The following CYFIP2 variants were observed in gnomAD, a reference collection of about 807,000 sequenced individuals.
CYFIP2 encodes the protein cytoplasmic FMR1 interacting protein 2, also known as cytoplasmic FMR1-interacting protein 2.
A neutral mutation model predicts 158.7 loss-of-function variants in CYFIP2; 29 were observed. The ratio of observed to expected loss-of-function variants is 0.18; its 90% CI spans 0.14 to 0.25. The LOEUF (loss-of-function observed/expected upper bound fraction) is 0.25, where lower values mean the gene tolerates loss of function less well. CYFIP2 is among the 10% of genes least tolerant of loss of function. The pLI is 1.00. For missense variants in CYFIP2, 852 were observed against 1,639.5 expected, an observed-to-expected ratio of 0.52 and a Z score of 8.29; for synonymous variants, 585 against 617.6, an observed-to-expected ratio of 0.95 and a Z score of 0.78.
At position 157,389,410 on chromosome 5, in the gene CYFIP2, C is replaced by A; in HGVS notation, c.3429C>A (p.Thr1143=). 1 of 1,598,888 alleles carries A rather than the reference C, an allele frequency of 6.3e-7. No homozygotes were observed. The highest frequency in any genetic ancestry group is 8.5e-7 in the Non-Finnish European group (1 of 1,169,766). The part of the protein sequence containing the change: ...MQFVYCIPVG[T]NEFTAEQCFG... ...TCGTGTACTGCATCCCTGTGGGAAC[C>A]AACGAGTTCACAGCTGAGTGAGTAC... Residue 1143 remains threonine, a synonymous_variant, in exon 29 of 31, where the codon ACC becomes ACA. Transcript: ENST00000620254.
At chr5:157,280,161 A>G (rs1313227469) in intron 1 of CYFIP2, among the ~76,000 whole-genome samples, 1 of 152,168 alleles carries the variant, frequency 6.6e-6, no homozygotes, top group Non-Finnish European at 1.5e-5. Flanking sequence ...ATTATGCTAC[A>G]GAGGAGAACT....
chr5:157,339,327 G>C, intron 22 of CYFIP2, 71 bp downstream of exon 22: 2 of 1,395,400 alleles, frequency 1.4e-6, no homozygotes, highest in African/African-American at 1.4e-5. Flanking sequence ...CTCCAAACTA[G>C]GCCCAGTACA....
At chr5:157,293,967 G>A (rs1275132283) in intron 3 of CYFIP2, among the ~76,000 whole-genome samples, 1 of 152,140 alleles carries the variant, frequency 6.6e-6, no homozygotes, top group Non-Finnish European at 1.5e-5. Flanking sequence ...TGGACCAGTC[G>A]AGTCCCAAAA....
intron 23 of CYFIP2, chr5:157,341,816 C>A (rs1762283135): frequency 6.5e-6 from 1 of 153,110 alleles, no homozygotes; most frequent in Non-Finnish European, 1.5e-5. Context: ...CTGGGAAGGT[C>A]TTGGATGATG....
At chr5:157,328,223 C>T (rs1761177440) in intron 19 of CYFIP2, among the ~76,000 whole-genome samples, 174 bp downstream of exon 19, 1 of 152,200 alleles carries the variant, frequency 6.6e-6, no homozygotes, top group South Asian at 2.1e-4. Flanking sequence ...AGATAAAGGG[C>T]TAACCTCACA....
At chr5:157,373,043 G>C (rs1193327517) in intron 26 of CYFIP2, among the ~76,000 whole-genome samples, 2 of 152,160 alleles carry the variant, frequency 1.3e-5, no homozygotes, top group African/African-American at 2.4e-5. Flanking sequence ...TAACAGCAAA[G>C]GGGTCTTCAT....
At chr5:157,300,025 G>GT (rs1758607941) in intron 5 of CYFIP2, among the ~76,000 whole-genome samples, 1 of 152,166 alleles carries the variant, frequency 6.6e-6, no homozygotes, top group South Asian at 2.1e-4. Context: ...CTGGCACATA[G>GT]TAGATGGCTA....
chr5:157,287,740 G>A (rs895835087), intron 3 of CYFIP2, among the ~76,000 whole-genome samples: 3 of 152,122 alleles, frequency 2.0e-5, no homozygotes, highest in African/African-American at 7.2e-5. Context: ...GACACTATAT[G>A]TCTTAGCTCG....
rs201784136 is a variant in CYFIP2 at position 157,313,060 on chromosome 5, T to C, written c.1110+1279T>C. On this transcript the variant is annotated intron_variant, in intron 11 of 30. Coordinates refer to ENST00000620254, the MANE Select transcript of CYFIP2 (RefSeq NM_001037333.3). ...TTTTGGTGTGGTCTAAGAATGAGTC[T>C]GGCCAAAGATATTTTTTAAAATTAT... 2.6e-5 allele frequency among the ~76,000 whole-genome samples: 4 copies of C among 152,216 alleles called. No individual in the cohort carries two copies. The East Asian group carries it at 7.7e-4, about 29-fold the overall frequency.
At chr5:157,333,207 C>T in intron 20 of CYFIP2, 120 bp from the exon 21 acceptor site, 1 of 1,329,664 alleles carries the variant, frequency 7.5e-7, no homozygotes, top group African/African-American at 1.4e-5. Flanking sequence ...CAGGAAACCC[C>T]TCCCACCTGG....
intron 3 of CYFIP2, among the ~76,000 whole-genome samples, chr5:157,291,195 C>G (rs1757792595): frequency 6.6e-6 from 1 of 152,222 alleles, no homozygotes; most frequent in Non-Finnish European, 1.5e-5. Context: ...GCTTAGGCAT[C>G]AAATTCCCCA....
chr5:157,384,251 G>A (rs1453718969), intron 28 of CYFIP2: 2 of 456,558 alleles, frequency 4.4e-6, no homozygotes, highest in Admixed American at 4.7e-5. Context: ...CAGGAAGGAA[G>A]AGAAATAGGG....
At position 157,309,908 on chromosome 5, in the gene CYFIP2, C is replaced by T. The variant is rs1012049714; in HGVS notation, c.992+74C>T. Reference sequence around the variant, plus strand: ...CGGGCAGAGAGCCGAGGGGCCACTTCAGCCCCTCCTCCCTCCCCAGATCCC... The same window carrying T: ...CGGGCAGAGAGCCGAGGGGCCACTTTAGCCCCTCCTCCCTCCCCAGATCCC... On this transcript the variant is annotated intron_variant, in intron 10 of 30. Transcript: ENST00000620254. 37 of 1,351,558 alleles carry T rather than the reference C, an allele frequency of 2.7e-5. No individual in the cohort carries two copies. In the South Asian group the frequency reaches 4.5e-4, roughly 16 times the overall value. 83.7% of individuals were successfully genotyped at this position (1,351,558 alleles called of 1,614,324 possible).
chr5:157,388,901 A>T (rs1446147092), intron 28 of CYFIP2, among the ~76,000 whole-genome samples: 4 of 152,220 alleles, frequency 2.6e-5, no homozygotes, highest in Non-Finnish European at 5.9e-5. Context: ...GTATCATGTC[A>T]GTCTTTTCAA....
Position 157,335,098 on chromosome 5 carries a change from A to G in CYFIP2, c.2385+1652A>G, listed in dbSNP as rs186370922. Among the ~76,000 whole-genome samples the G allele has an allele frequency of 2.0e-3, 299 of 152,304 alleles. 1 individual carries two copies. The highest frequency in any genetic ancestry group is 6.8e-3 in the Middle Eastern group (2 of 294). The stretch of plus-strand genomic sequence containing the variant: ...AGTGACAGTGAACTGGGACTCTAAC[A>G]TCATACCTAGGGTCCCAGTCCTCTC... On this transcript the variant is annotated intron_variant, in intron 21 of 30. Coordinates refer to ENST00000620254, the MANE Select transcript of CYFIP2 (RefSeq NM_001037333.3).
At chr5:157,292,128 T>C (rs956752647) in intron 3 of CYFIP2, among the ~76,000 whole-genome samples, 14 of 152,226 alleles carry the variant, frequency 9.2e-5, no homozygotes, top group Non-Finnish European at 7.3e-5. Flanking sequence ...TTCATCTAAA[T>C]AAATAATCCA....
intron 1 of CYFIP2, among the ~76,000 whole-genome samples, chr5:157,270,204 A>G (rs1755975004): frequency 6.6e-6 from 1 of 152,200 alleles, no homozygotes; most frequent in Non-Finnish European, 1.5e-5. Flanking sequence ...TGTTTGCGTC[A>G]TTATTTGGTC....
chr5:157,373,862 C>A (rs1765221068), intron 26 of CYFIP2, among the ~76,000 whole-genome samples: 1 of 152,090 alleles, frequency 6.6e-6, no homozygotes, highest in African/African-American at 2.4e-5. Flanking sequence ...AAAAATTTAT[C>A]TGCATTTTCT....
chr5:157,269,901 C>G (rs1755940884), intron 1 of CYFIP2, among the ~76,000 whole-genome samples: 1 of 152,186 alleles, frequency 6.6e-6, no homozygotes, highest in African/African-American at 2.4e-5. Context: ...TATTGGCTTT[C>G]TAGCCATGGG....
Sources: gnomAD v4.1 joint callset for allele counts (sites outside exome capture counted in the v4.1 genomes callset) on GRCh38, gnomAD v4.1.1 for gene constraint, MANE v1.5 for transcripts, NCBI Gene and HGNC (gene_info 2026-07-23, HGNC 2026-07-21) for gene names.